FBXO47: variants seen among roughly 807,000 people sequenced by gnomAD.
The protein encoded by FBXO47 is F-box protein 47, also known as F-box only protein 47.
A neutral mutation model predicts 53.9 loss-of-function variants in FBXO47; 34 were observed. That is an observed-to-expected ratio of 0.63 (90% CI 0.48 to 0.84). The LOEUF (loss-of-function observed/expected upper bound fraction) is 0.84, where lower values mean the gene tolerates loss of function less well. FBXO47 is among the 40% of genes least tolerant of loss of function. The pLI, the probability that FBXO47 is intolerant of heterozygous loss-of-function variation, is 0.00. For synonymous variants in FBXO47, 165 were observed against 181.6 expected (o/e 0.91, Z 0.73); for missense variants, 485 against 541.3 (o/e 0.90, Z 1.03).
chr17:38,947,708 G>C (rs1331858348), intron 6 of FBXO47, among the ~76,000 whole-genome samples: 2 of 152,118 alleles, frequency 1.3e-5, no homozygotes, highest in African/African-American at 4.8e-5. Context: ...AGGAGATTGA[G>C]ACCATCCTGG....
intron 6 of FBXO47, among the ~76,000 whole-genome samples, chr17:38,946,352 A>ATATATATAAATATATAGATC (rs1904828685): frequency 2.3e-5 from 2 of 87,474 alleles, no homozygotes; most frequent in Non-Finnish European, 3.7e-5. Flanking sequence ...AAATATATAA[A>ATATATATAAATATATAGATC]TATATATAAA....
In FBXO47 at chr17:38,937,154, A is replaced by G; in HGVS notation, c.*21T>C. ...ATCATTCGTTCAGTGACGTTCTCTA[A>G]AGGCAAGGCTTTCTGAGGATTTAGG... On this transcript the variant is annotated 3_prime_UTR_variant, in exon 11 of 11. Transcript: ENST00000378079. 8.6e-7 allele frequency: 1 copy of G among 1,157,536 alleles called. No individual in the cohort carries two copies. The highest frequency in any genetic ancestry group is 2.4e-5 in the East Asian group (1 of 41,656). 71.7% of individuals were successfully genotyped at this position (1,157,536 alleles called of 1,614,324 possible).
chr17:38,950,423 A>G (rs1464130781), intron 6 of FBXO47, among the ~76,000 whole-genome samples: 1 of 147,922 alleles, frequency 6.8e-6, no homozygotes, highest in Admixed American at 6.8e-5. Context: ...CTCCTCTGTC[A>G]CCCAGGCTGG....
intron 5 of FBXO47, among the ~76,000 whole-genome samples, chr17:38,952,295 C>T (rs2143937465): frequency 6.6e-6 from 1 of 152,226 alleles, no homozygotes; most frequent in South Asian, 2.1e-4. Context: ...GCACTCCAAC[C>T]TGGGCAACAG....
intron 5 of FBXO47, among the ~76,000 whole-genome samples, chr17:38,951,924 A>G (rs1277402063): frequency 2.0e-5 from 3 of 152,046 alleles, no homozygotes; most frequent in Non-Finnish European, 4.4e-5. Context: ...CAGCTACTCG[A>G]GAGGCTGAGT....
At chr17:38,953,891 A>G (rs1199877772) in intron 5 of FBXO47, among the ~76,000 whole-genome samples, 1 of 152,218 alleles carries the variant, frequency 6.6e-6, no homozygotes, top group Non-Finnish European at 1.5e-5. Context: ...AGGAGGGCTT[A>G]GACCCCTGGA....
At chr17:38,953,573 C>T (rs1056099174) in intron 5 of FBXO47, among the ~76,000 whole-genome samples, 18 of 150,930 alleles carry the variant, frequency 1.2e-4, no homozygotes, top group African/African-American at 4.1e-4. Context: ...TGCAGTGAGC[C>T]GAGAGTGTGC....
At chr17:38,957,298 T>C (rs1275592075) in intron 3 of FBXO47, 45 bp from the exon 4 acceptor site, 1 of 1,270,568 alleles carries the variant, frequency 7.9e-7, no homozygotes, top group East Asian at 2.3e-5. Flanking sequence ...ACAATACAAT[T>C]AAGAACATCA....
chr17:38,938,823 G>GTGATTTTAAATAATTTA (rs1182896170), intron 9 of FBXO47, 91 bp from the exon 10 acceptor site: 1 of 1,060,196 alleles, frequency 9.4e-7, no homozygotes, highest in East Asian at 2.4e-5. Flanking sequence ...ATTATAGTTT[G>GTGATTTTAAATAATTTA]TGATTTTACA....
rs772258401 is a variant in FBXO47, at chr17:38,937,229, A to G, written c.1305T>C (p.Ala435=). 2 of 1,611,086 alleles carry G rather than the reference A, an allele frequency of 1.2e-6. No individual in the cohort carries two copies. Among genetic ancestry groups the G allele is most frequent in the South Asian group, 2.2e-5 (2 of 90,932 alleles). The change falls in exon 11 of 11, where the codon GCT becomes GCC. Residue 435 remains alanine (A), a synonymous_variant. Coordinates refer to ENST00000378079, the MANE Select transcript of FBXO47 (RefSeq NM_001008777.3). ...LNLFHLVHAQ[A]NFHKEVLYLT... is the part of the protein sequence containing the mutation. Reference sequence around the variant, plus strand: ...AATACAGGACCTCCTTATGGAAGTTAGCCTGAGCATGTACAAGATGGAACA... The same window carrying G: ...AATACAGGACCTCCTTATGGAAGTTGGCCTGAGCATGTACAAGATGGAACA...
intron 6 of FBXO47, among the ~76,000 whole-genome samples, chr17:38,947,015 T>C (rs1218289196): frequency 7.5e-6 from 1 of 132,802 alleles, no homozygotes; most frequent in Non-Finnish European, 1.5e-5. Context: ...TATGTAAATA[T>C]ATATAAACAT....
intron 3 of FBXO47, among the ~76,000 whole-genome samples, chr17:38,960,957 T>C (rs1905788785): frequency 6.6e-6 from 1 of 152,054 alleles, no homozygotes. Context: ...TAATGAGAAG[T>C]AGGAAAAAGT....
At position 38,945,094 on chromosome 17, in the gene FBXO47, C is replaced by T. The variant is rs1479522202; in HGVS notation, c.659G>A (p.Arg220Lys). 1 of 1,613,598 alleles carries T rather than the reference C, an allele frequency of 6.2e-7. No individual in the cohort carries two copies. The highest frequency in any genetic ancestry group is 1.3e-5 in the African/African-American group (1 of 74,892). Reference protein sequence around the residue: ...KLELRIRLFCRNVLLDHWTHR... With the variant: ...KLELRIRLFCKNVLLDHWTHR... ...TGTCCAATGATCAAGGAGGACATTC[C>T]TACAGAAGAGTCTGATTCTTAACTC... Residue 220 changes from arginine (R) to lysine (K), a missense_variant, in exon 7 of 11, where the codon AGG (arginine) becomes AAG (lysine). By Grantham distance (26) the Arg-to-Lys change is conservative (BLOSUM62 2). Transcript: ENST00000378079.
chr17:38,946,350 A>G (rs1451069840), intron 6 of FBXO47, among the ~76,000 whole-genome samples: 2 of 87,128 alleles, frequency 2.3e-5, no homozygotes, highest in East Asian at 8.0e-4. Flanking sequence ...ATAAATATAT[A>G]AATATATATA....
At chr17:38,937,734 C>A (rs1454744794) in intron 10 of FBXO47, among the ~76,000 whole-genome samples, 1 of 152,050 alleles carries the variant, frequency 6.6e-6, no homozygotes, top group Non-Finnish European at 1.5e-5. Flanking sequence ...GTGGCACAAT[C>A]TTGGCTCACT....
chr17:38,949,184 AG>A (rs1905079206), intron 6 of FBXO47, among the ~76,000 whole-genome samples: 1 of 152,098 alleles, frequency 6.6e-6, no homozygotes, highest in South Asian at 2.1e-4. Context: ...TGGGAGGCTG[AG>A]ACAGGCAGAT....
chr17:38,962,608 A>AAAT (rs58127654), intron 2 of FBXO47, among the ~76,000 whole-genome samples: 10,087 of 146,240 alleles, frequency 0.069, 524 homozygotes, highest in African/African-American at 0.15. Context: ...CTCCATCTCA[A>AAAT]AATAATAATA....
In FBXO47 at chr17:38,946,421, A is replaced by AAT. The variant is rs1567716775; in HGVS notation, c.617-1286_617-1285insAT. Among the ~76,000 whole-genome samples the AAT allele has an allele frequency of 1.4e-4, 7 of 49,264 alleles. 2 individuals are homozygous for AAT. Among genetic ancestry groups the AAT allele is most frequent in the African/African-American group, 6.4e-4 (6 of 9,360 alleles). 32.3% of individuals were successfully genotyped at this position (49,264 alleles called of 152,430 possible). A position where few individuals can be genotyped will look rare whatever the true frequency, so the allele number is the denominator to read the frequency against. Reference sequence around the variant, plus strand: ...ATATAAATATATAGATATATATATAACTATATAAATATATATGAATATATA... The same window carrying AAT: ...ATATAAATATATAGATATATATATAAATCTATATAAATATATATGAATATATA... On this transcript the variant is annotated intron_variant, in intron 6 of 10. Transcript: ENST00000378079.
intron 6 of FBXO47, among the ~76,000 whole-genome samples, chr17:38,948,061 C>T (rs1303161862): frequency 2.6e-5 from 4 of 152,044 alleles, no homozygotes; most frequent in Non-Finnish European, 5.9e-5. Flanking sequence ...CAGCCATCAC[C>T]ACAGCCAATT....
Sources: gnomAD v4.1 joint callset for allele counts (sites outside exome capture counted in the v4.1 genomes callset) on GRCh38, gnomAD v4.1.1 for gene constraint, MANE v1.5 for transcripts, NCBI Gene and HGNC (gene_info 2026-07-23, HGNC 2026-07-21) for gene names.